STX7: variants seen among roughly 807,000 people sequenced by gnomAD.
The protein encoded by STX7 is syntaxin-7.
Under a neutral mutation model 39.6 loss-of-function variants are expected in STX7, and 34 were observed. That is an observed-to-expected ratio of 0.86 (90% confidence interval 0.65 to 1.14). The LOEUF (loss-of-function observed/expected upper bound fraction) is 1.14. Among genes scored for constraint, STX7 ranks in the 50% most tolerant of loss-of-function variants. The pLI is 0.00. For synonymous variants in STX7, 119 were observed against 99.1 expected (o/e 1.20, Z -1.19); for missense variants, 284 against 310.4 (o/e 0.92, Z 0.64).
At chr6:132,474,039 G>A (rs1255209803) in intron 3 of STX7, among the ~76,000 whole-genome samples, 1 of 151,648 alleles carries the variant, frequency 6.6e-6, no homozygotes, top group Non-Finnish European at 1.5e-5. Context: ...GACCAGTGCC[G>A]GCAACATGGC....
At chr6:132,487,354 A>G (rs1414947598) in intron 2 of STX7, among the ~76,000 whole-genome samples, 2 of 152,188 alleles carry the variant, frequency 1.3e-5, no homozygotes, top group African/African-American at 4.8e-5. Context: ...GGAAACCATC[A>G]CTTTCAGCAA....
rs1000857228 is a variant in STX7 at position 132,447,528 on chromosome 6, T to C, written c.*13230A>G. The C allele has an allele frequency of 2.6e-5, 4 of 151,874 alleles. No individual in the cohort carries two copies. Among genetic ancestry groups the C allele is most frequent in the South Asian group, 4.2e-4 (2 of 4,798 alleles). 9.4% of individuals were successfully genotyped at this position (151,874 alleles called of 1,614,324 possible). A position where few individuals can be genotyped will look rare whatever the true frequency, so the allele number is the denominator to read the frequency against. ...ACTTTTTTGCTGCTCGAGCTAAAAA[T>C]TGAGTGACTTCAAATACAACATAAT... On this transcript the variant is annotated 3_prime_UTR_variant, in exon 10 of 10. Transcript: ENST00000367941.
intron 8 of STX7, among the ~76,000 whole-genome samples, chr6:132,466,855 T>G (rs764916223): frequency 6.6e-6 from 1 of 152,222 alleles, no homozygotes. Flanking sequence ...TTCACCATCA[T>G]AGTGGGCCAA....
intron 2 of STX7, among the ~76,000 whole-genome samples, chr6:132,491,273 G>GAA (rs368980068): frequency 3.0e-5 from 4 of 131,782 alleles, no homozygotes; most frequent in African/African-American, 2.7e-5. Flanking sequence ...AGGATTAAAA[G>GAA]AAAAAAAAAA....
intron 1 of STX7, among the ~76,000 whole-genome samples, chr6:132,508,715 T>C (rs1775768541): frequency 6.6e-6 from 1 of 151,400 alleles, no homozygotes; most frequent in Admixed American, 6.6e-5. Context: ...TCTCACTTTG[T>C]TGCCCAGACT....
chr6:132,483,354 T>C (rs1188094677), intron 2 of STX7, among the ~76,000 whole-genome samples: 1 of 152,208 alleles, frequency 6.6e-6, no homozygotes, highest in Non-Finnish European at 1.5e-5. Context: ...TTTCTGAATA[T>C]TTTTGTTCCA....
intron 9 of STX7, among the ~76,000 whole-genome samples, chr6:132,462,397 T>C (rs1185129967): frequency 6.6e-6 from 1 of 152,168 alleles, no homozygotes; most frequent in Non-Finnish European, 1.5e-5. Flanking sequence ...GCTTGGGACA[T>C]GTGCTTTTTC....
In STX7 at chr6:132,460,862, AAAAAC is replaced by A. The variant is rs1272933488; in HGVS notation, c.694-17_694-13del. The A allele has an allele frequency of 1.6e-5, 26 of 1,609,692 alleles. No homozygotes were observed. The highest frequency in any genetic ancestry group is 1.2e-4 in the Admixed American group (7 of 59,676). On this transcript the variant is annotated splice_polypyrimidine_tract_variant and intron_variant, in intron 9 of 9. Transcript: ENST00000367941. Reference sequence around the variant, plus strand: ...TTTCTGGATTTGCGCTGCAGACGCAAAAAACAAAACAAAACAAAAAAACATGTTTA... The same window carrying A: ...TTTCTGGATTTGCGCTGCAGACGCAAAAAACAAAACAAAAAAACATGTTTA...
chr6:132,469,866 G>T, intron 7 of STX7, 85 bp downstream of exon 7: 2 of 1,131,840 alleles, frequency 1.8e-6, no homozygotes, highest in Non-Finnish European at 2.5e-6. Context: ...TCTGTCTCAT[G>T]CATTCTCCCA....
intron 2 of STX7, among the ~76,000 whole-genome samples, chr6:132,502,436 T>C (rs960617949): frequency 1.3e-5 from 2 of 152,042 alleles, no homozygotes; most frequent in Admixed American, 1.3e-4. Flanking sequence ...AGGTATCTGA[T>C]TAACCATAAT....
At chr6:132,463,134 G>A (rs1338501672) in intron 9 of STX7, among the ~76,000 whole-genome samples, 1 of 152,114 alleles carries the variant, frequency 6.6e-6, no homozygotes, top group African/African-American at 2.4e-5. Flanking sequence ...TCTTCAGCCA[G>A]GAGGCAGAGG....
In STX7 at chr6:132,447,161, T is replaced by TTTAA. The variant is rs1774030022; in HGVS notation, c.*13593_*13596dup. On this transcript the variant is annotated 3_prime_UTR_variant, in exon 10 of 10. Coordinates refer to ENST00000367941, the MANE Select transcript of STX7 (RefSeq NM_003569.3). Reference sequence around the variant, plus strand: ...TGCGTGTAACATTTGACACCAGGCTTTTAAGTAAAACACCCTAAGATGGAA... The same window carrying TTTAA: ...TGCGTGTAACATTTGACACCAGGCTTTTAATTAAGTAAAACACCCTAAGATGGAA... 6.6e-6 allele frequency: 1 copy of TTTAA among 152,204 alleles called. No homozygotes were observed. Among genetic ancestry groups the TTTAA allele is most frequent in the Non-Finnish European group, 1.5e-5 (1 of 68,042 alleles). 9.4% of individuals were successfully genotyped at this position (152,204 alleles called of 1,614,324 possible).
chr6:132,480,429 A>G (rs1275014226), intron 2 of STX7, among the ~76,000 whole-genome samples: 1 of 152,210 alleles, frequency 6.6e-6, no homozygotes. Context: ...GTAAAGTCCA[A>G]TATTTCACGA....
In STX7 at chr6:132,460,091, T is replaced by A. The variant is rs906960184; in HGVS notation, c.*667A>T. 6 of 152,180 alleles carry A rather than the reference T, an allele frequency of 3.9e-5. No individual in the cohort carries two copies. The highest frequency in any genetic ancestry group is 1.4e-4 in the African/African-American group (6 of 41,450). 9.4% of individuals were successfully genotyped at this position (152,180 alleles called of 1,614,324 possible). A position where few individuals can be genotyped will look rare whatever the true frequency, so the allele number is the denominator to read the frequency against. ...TTCCCCCGTAAACATCAGACTTAAA[T>A]AGACCATATGTAAAAACAACCTATC... On this transcript the variant is annotated 3_prime_UTR_variant, in exon 10 of 10. Coordinates refer to ENST00000367941, the MANE Select transcript of STX7 (RefSeq NM_003569.3).
At position 132,485,353 on chromosome 6, in the gene STX7, T is replaced by C. The variant is rs151191049; in HGVS notation, c.86-9691A>G. On this transcript the variant is annotated intron_variant, in intron 2 of 9. Transcript: ENST00000367941. ...GCCTAATTATTTTATGATTCATCCATGCTGTGTATATCAATAGTGCATTCC... is the reference window on the plus strand; with the variant it reads ...GCCTAATTATTTTATGATTCATCCACGCTGTGTATATCAATAGTGCATTCC... Among the ~76,000 whole-genome samples, 126 of 152,372 alleles carry C rather than the reference T, an allele frequency of 8.3e-4. 1 individual carries two copies. The highest frequency in any genetic ancestry group is 3.4e-3 in the Middle Eastern group (1 of 294).
rs1241608044 is a variant in STX7 at position 132,452,824 on chromosome 6, A to G, written c.*7934T>C. 6.6e-6 allele frequency: 1 copy of G among 152,160 alleles called. No homozygotes were observed. The highest frequency in any genetic ancestry group is 6.5e-5 in the Admixed American group (1 of 15,278). The allele number at this position is 152,160 out of a possible 1,614,324, so 9.4% of individuals were successfully genotyped here. A position where few individuals can be genotyped will look rare whatever the true frequency, so the allele number is the denominator to read the frequency against. ...TCTCCCCAAATTGATGTATAGGTAT[A>G]ACATAGTTCCTGTCAAAATCCCAGT... is the stretch of plus-strand genomic sequence containing the variant. On this transcript the variant is annotated 3_prime_UTR_variant, in exon 10 of 10. Transcript: ENST00000367941.
rs1249588585 is a variant in STX7, at chr6:132,456,602, G to A, written c.*4156C>T. On this transcript the variant is annotated 3_prime_UTR_variant, in exon 10 of 10. Coordinates refer to ENST00000367941, the MANE Select transcript of STX7 (RefSeq NM_003569.3). ...TAAGTCCTGGGGCCCCAGAAGCTTA[G>A]TATATGTATTTTTTATTTTGGTTGG... 6.6e-6 allele frequency: 1 copy of A among 152,174 alleles called. No individual in the cohort carries two copies. The highest frequency in any genetic ancestry group is 2.4e-5 in the African/African-American group (1 of 41,440). 9.4% of individuals were successfully genotyped at this position (152,174 alleles called of 1,614,324 possible).
At chr6:132,473,520 G>GTTTTTTTTT (rs398066285) in intron 3 of STX7, among the ~76,000 whole-genome samples, 1 of 136,294 alleles carries the variant, frequency 7.3e-6, no homozygotes, top group Non-Finnish European at 1.6e-5. Flanking sequence ...TTATTGTGTT[G>GTTTTTTTTT]TTTTTTTTTT....
chr6:132,475,061 A>T (rs1294067715), intron 3 of STX7, among the ~76,000 whole-genome samples: 1 of 152,022 alleles, frequency 6.6e-6, no homozygotes, highest in African/African-American at 2.4e-5. Context: ...AAAACAACCT[A>T]CCTAAAAACT....
Sources: allele counts gnomAD v4.1 joint callset (sites outside exome capture counted in the v4.1 genomes callset), GRCh38; gene constraint gnomAD v4.1.1; transcripts MANE v1.5; gene names NCBI Gene and HGNC (gene_info 2026-07-23, HGNC 2026-07-21).